KIAA1586: variants seen among roughly 807,000 people sequenced by gnomAD.
KIAA1586 encodes E3 SUMO-protein ligase KIAA1586.
Under a neutral mutation model 6.1 loss-of-function variants are expected in KIAA1586, and 5 were observed. The observed-to-expected ratio is 0.82, with a 90% CI of 0.43 to 1.73. KIAA1586 has a LOEUF of 1.73. KIAA1586 is among the 40% of genes most tolerant of loss of function. KIAA1586 has a pLI of 0.02. For missense variants in KIAA1586, 899 were observed against 878.2 expected (o/e 1.02, Z -0.30); for synonymous variants, 280 against 301.7 (o/e 0.93, Z 0.75).
At chr6:57,056,271 A>G (rs543143267), downstream of KIAA1586, among the ~76,000 whole-genome samples, 1 of 151,954 alleles carries the variant, frequency 6.6e-6, no homozygotes, top group Admixed American at 6.6e-5. Flanking sequence ...CAGTGGTGCA[A>G]TCTCGGCTCA....
chr6:57,054,915 A>G lies in KIAA1586; in HGVS notation c.*52A>G. On this transcript the variant is annotated 3_prime_UTR_variant, in exon 4 of 4. Transcript: ENST00000370733. Reference sequence around the variant, plus strand: ...GTAAATTATGTACTACACATCCTTTATATACATAAAGGTCTTTTTTTTTTT... The same window carrying G: ...GTAAATTATGTACTACACATCCTTTGTATACATAAAGGTCTTTTTTTTTTT... 1 of 1,434,444 alleles carries G rather than the reference A, an allele frequency of 7.0e-7. No homozygotes were observed. Among genetic ancestry groups the G allele is most frequent in the African/African-American group, 1.4e-5 (1 of 69,528 alleles). The allele number at this position is 1,434,444 out of a possible 1,614,324, so 88.9% of individuals were successfully genotyped here. A position where few individuals can be genotyped will look rare whatever the true frequency, so the allele number is the denominator to read the frequency against.
the KIAA1586 span, among the ~76,000 whole-genome samples, chr6:57,062,963 G>A: frequency 2.6e-5 from 4 of 152,038 alleles, no homozygotes; most frequent in Non-Finnish European, 5.9e-5. Context: ...GCTGAAGCAG[G>A]AGAATCACTT....
rs775369287 is a variant in KIAA1586 at position 57,054,312 on chromosome 6, A to G, written c.1813A>G (p.Ile605Val). The change falls in exon 4 of 4, where the codon ATA (isoleucine) becomes GTA (valine). Residue 605 changes from isoleucine to valine, a missense_variant. By Grantham distance (29) the Ile-to-Val change is conservative (BLOSUM62 3). Transcript: ENST00000370733. ...NNKFNALPRS[I>V]LLDNIIQHMN... Reference sequence around the variant, plus strand: ...TAAATTTAATGCTCTTCCTAGGAGTATATTACTAGACAATATAATTCAGCA... The same window carrying G: ...TAAATTTAATGCTCTTCCTAGGAGTGTATTACTAGACAATATAATTCAGCA... The G allele has an allele frequency of 1.3e-5, 21 of 1,586,350 alleles. 1 individual carries two copies. In the South Asian group the frequency reaches 1.4e-4, roughly 10 times the overall value.
At chr6:57,058,700 TC>T (rs1828529051), downstream of KIAA1586, among the ~76,000 whole-genome samples, 1 of 152,246 alleles carries the variant, frequency 6.6e-6, no homozygotes, top group South Asian at 2.1e-4. Context: ...AAAATAAAAA[TC>T]AGTAAGATTA....
At chr6:57,048,895 A>T (rs887493750) in intron 2 of KIAA1586, among the ~76,000 whole-genome samples, 1 of 152,190 alleles carries the variant, frequency 6.6e-6, no homozygotes, top group African/African-American at 2.4e-5. Flanking sequence ...ATAGGTATAG[A>T]TTTGTGTAAT....
downstream of KIAA1586, among the ~76,000 whole-genome samples, chr6:57,057,299 A>G (rs1828513452): frequency 6.6e-6 from 1 of 152,176 alleles, no homozygotes; most frequent in Non-Finnish European, 1.5e-5. Context: ...GGACCTAGCA[A>G]TATTAAAGAT....
rs1328344680 is a variant in KIAA1586, at chr6:57,052,794, A to G, written c.295A>G (p.Arg99Gly). Reference sequence around the variant, plus strand: ...TAATGAAGTGAGCAAAAATCACTGCAGATTGTCTAAGGCAAAGGAACCACA... The same window carrying G: ...TAATGAAGTGAGCAAAAATCACTGCGGATTGTCTAAGGCAAAGGAACCACA... ...ENNEVSKNHC[R>G]LSKAKEPHFE... is the part of the protein sequence containing the mutation. The change falls in exon 4 of 4, where the codon AGA (arginine) becomes GGA (glycine). Residue 99 changes from arginine to glycine, a missense_variant. Physicochemically the swap from Arg to Gly is moderately radical, Grantham distance 125. Transcript: ENST00000370733. 6.2e-7 allele frequency: 1 copy of G among 1,613,120 alleles called. No individual in the cohort carries two copies. Among genetic ancestry groups the G allele is most frequent in the Non-Finnish European group, 8.5e-7 (1 of 1,179,542 alleles).
the KIAA1586 span, among the ~76,000 whole-genome samples, chr6:57,060,303 G>A: frequency 2.9e-4 from 44 of 152,220 alleles, no homozygotes; most frequent in East Asian, 7.9e-3. Flanking sequence ...GGCAAGACCT[G>A]GATCAAGCCC....
chr6:57,056,965 A>C (rs1486820665), downstream of KIAA1586, among the ~76,000 whole-genome samples: 1 of 151,996 alleles, frequency 6.6e-6, no homozygotes, highest in East Asian at 2.0e-4. Context: ...GCTGTGGCTC[A>C]TGCCTGTAAT....
downstream of KIAA1586, among the ~76,000 whole-genome samples, chr6:57,056,846 G>C (rs1307441199): frequency 6.6e-6 from 1 of 152,018 alleles, no homozygotes; most frequent in East Asian, 1.9e-4. Context: ...CTGAGAACTA[G>C]TTTTAAATGG....
At chr6:57,065,575 C>A in the KIAA1586 span, among the ~76,000 whole-genome samples, 1 of 151,680 alleles carries the variant, frequency 6.6e-6, no homozygotes, top group South Asian at 2.1e-4. Flanking sequence ...CAGCCTCGAC[C>A]TTCTGGGCTC....
chr6:57,052,424 T>C lies in KIAA1586; in HGVS notation c.187-262T>C, dbSNP rs111550562. Reference sequence around the variant, plus strand: ...AAATAGCATACTCATTTGCGAAACATATGACCAACCATTTTGCTAATTGGA... The same window carrying C: ...AAATAGCATACTCATTTGCGAAACACATGACCAACCATTTTGCTAATTGGA... On this transcript the variant is annotated intron_variant, in intron 3 of 3. Transcript: ENST00000370733. 5.1e-4 allele frequency among the ~76,000 whole-genome samples: 77 copies of C among 152,266 alleles called. 1 individual carries two copies. The highest frequency in any genetic ancestry group is 1.6e-3 in the African/African-American group (67 of 41,562).
chr6:57,046,982 T>C (rs896514882), intron 1 of KIAA1586: 1 of 661,200 alleles, frequency 1.5e-6, no homozygotes, highest in Non-Finnish European at 2.3e-6. Flanking sequence ...GCACGGGCCC[T>C]GGCGTTCGTT....
Position 57,055,012 on chromosome 6 carries a change from A to G in KIAA1586, c.*149A>G, listed in dbSNP as rs1828472760. On this transcript the variant is annotated 3_prime_UTR_variant, in exon 4 of 4. Transcript: ENST00000370733. ...GTTCTTTAAGAAGATAATCTTGAAG[A>G]TTGGTTTTAGAAGCTATAGTTTTTT... 5 of 956,428 alleles carry G rather than the reference A, an allele frequency of 5.2e-6. No individual in the cohort carries two copies. In the South Asian group the frequency reaches 8.6e-5, roughly 16 times the overall value. 59.2% of individuals were successfully genotyped at this position (956,428 alleles called of 1,614,324 possible). A position where few individuals can be genotyped will look rare whatever the true frequency, so the allele number is the denominator to read the frequency against.
Position 57,054,929 on chromosome 6 carries a change from CTTTT to C in KIAA1586, c.*75_*78del. On this transcript the variant is annotated 3_prime_UTR_variant, in exon 4 of 4. Transcript: ENST00000370733. ...ACACATCCTTTATATACATAAAGGT[CTTTT>C]TTTTTTTTGGAAAGCCAGTTAAACT... 1 of 1,059,932 alleles carries C rather than the reference CTTTT, an allele frequency of 9.4e-7. No homozygotes were observed. The highest frequency in any genetic ancestry group is 1.2e-6 in the Non-Finnish European group (1 of 801,654). The allele number at this position is 1,059,932 out of a possible 1,614,324, so 65.7% of individuals were successfully genotyped here. A position where few individuals can be genotyped will look rare whatever the true frequency, so the allele number is the denominator to read the frequency against.
At chr6:57,055,511 A>G (rs189434666), downstream of KIAA1586, among the ~76,000 whole-genome samples, 9 of 152,174 alleles carry the variant, frequency 5.9e-5, no homozygotes, top group Admixed American at 2.6e-4. Context: ...GCTGATAGAT[A>G]TGATACTGCT....
chr6:57,054,578 TA>T lies in KIAA1586; in HGVS notation c.2084del (p.Lys695ArgfsTer2). On this transcript the variant is annotated frameshift_variant, in exon 4 of 4. Transcript: ENST00000370733. LOFTEE classifies it low-confidence loss of function (END_TRUNC). ...VSIPTTIYKA[K>X]KIVSTIAINS... ...CAATTCCTACAACTATATACAAAGC[TA>T]AAAAGATAGTTAGCACCATTGCAAT... 6.2e-7 allele frequency: 1 copy of T among 1,608,350 alleles called. No homozygotes were observed.
At position 57,054,193 on chromosome 6, in the gene KIAA1586, A is replaced by C; in HGVS notation, c.1694A>C (p.Glu565Ala). 1 of 1,591,694 alleles carries C rather than the reference A, an allele frequency of 6.3e-7. No individual in the cohort carries two copies. Among genetic ancestry groups the C allele is most frequent in the Non-Finnish European group, 8.5e-7 (1 of 1,172,600 alleles). ...KLIKRTIRAL[E>A]NLKIGTGKYE... Reference sequence around the variant, plus strand: ...ATCAAACGTACCATAAGAGCTTTGGAAAATTTAAAAATTGGTACTGGAAAG... The same window carrying C: ...ATCAAACGTACCATAAGAGCTTTGGCAAATTTAAAAATTGGTACTGGAAAG... Residue 565 changes from glutamate (E) to alanine (A), a missense_variant, in exon 4 of 4, where the codon GAA becomes GCA. By Grantham distance (107) the Glu-to-Ala change is moderately radical. Transcript: ENST00000370733.
chr6:57,064,260 A>G, the KIAA1586 span, among the ~76,000 whole-genome samples: 3 of 152,252 alleles, frequency 2.0e-5, no homozygotes, highest in East Asian at 5.8e-4. Context: ...AAAATTAAAG[A>G]TGGAATAAAG....
Sources: allele counts gnomAD v4.1 joint callset (sites outside exome capture counted in the v4.1 genomes callset), GRCh38; gene constraint gnomAD v4.1.1; transcripts MANE v1.5; gene names NCBI Gene and HGNC (gene_info 2026-07-23, HGNC 2026-07-21).